Variants in ANKHD1 observed in about 807,000 individuals in gnomAD.
ANKHD1 encodes ankyrin repeat and KH domain containing 1.
In ANKHD1, 31 loss-of-function variants were observed where a neutral mutation model predicts 230.5. The ratio of observed to expected loss-of-function variants is 0.13; its 90% CI spans 0.10 to 0.18. ANKHD1 has a LOEUF of 0.18. ANKHD1 is among the 10% of genes least tolerant of loss of function. The probability of loss-of-function intolerance (pLI) is 1.00; values close to 1 mark genes in which losing one functional copy is unlikely to be tolerated. For synonymous variants in ANKHD1, 1,074 were observed against 1,117.6 expected (o/e 0.96, Z 0.78); for missense variants, 2,256 against 3,071.3 (o/e 0.73, Z 6.27).
intron 1 of ANKHD1, among the ~76,000 whole-genome samples, chr5:140,419,557 T>TC (rs1771706620): frequency 6.6e-6 from 1 of 151,268 alleles, no homozygotes; most frequent in Non-Finnish European, 1.5e-5. Context: ...ACTTCTGGGT[T>TC]CAAGTGATCC....
intron 10 of ANKHD1, among the ~76,000 whole-genome samples, chr5:140,481,208 C>T (rs1214236090): frequency 6.6e-6 from 1 of 152,022 alleles, no homozygotes; most frequent in East Asian, 1.9e-4. Flanking sequence ...GATAGAAAAA[C>T]TGGACAAACA....
At chr5:140,496,415 C>T (rs1026691341) in intron 14 of ANKHD1, 105 bp from the exon 15 acceptor site, 4 of 1,217,078 alleles carry the variant, frequency 3.3e-6, no homozygotes, top group Non-Finnish European at 4.3e-6. Flanking sequence ...GAGGGAGGTC[C>T]GTGTGTGTGG....
At chr5:140,411,593 C>T (rs1266086504) in intron 1 of ANKHD1, among the ~76,000 whole-genome samples, 1 of 148,016 alleles carries the variant, frequency 6.8e-6, no homozygotes, top group African/African-American at 2.5e-5. Context: ...AATCTTGGCT[C>T]ACTGCAACCT....
chr5:140,483,585 C>G (rs1220417039), intron 11 of ANKHD1, among the ~76,000 whole-genome samples: 1 of 151,130 alleles, frequency 6.6e-6, no homozygotes. Flanking sequence ...AGCCTCCCGA[C>G]TAGCTGGGAT....
At chr5:140,430,460 A>T (rs1452533546) in intron 1 of ANKHD1, among the ~76,000 whole-genome samples, 1 of 152,206 alleles carries the variant, frequency 6.6e-6, no homozygotes, top group East Asian at 1.9e-4. Context: ...TATGTAAGAA[A>T]GTATAAGGCT....
At chr5:140,532,670 A>T (rs1358951584) in intron 29 of ANKHD1, among the ~76,000 whole-genome samples, 1 of 152,242 alleles carries the variant, frequency 6.6e-6, no homozygotes, top group East Asian at 1.9e-4. Flanking sequence ...CAATTCTGTG[A>T]ATATACAAAA....
Position 140,527,678 on chromosome 5 carries a change from G to T in ANKHD1, c.5088-195G>T, listed in dbSNP as rs1753664628. 2.0e-5 allele frequency among the ~76,000 whole-genome samples: 3 copies of T among 152,132 alleles called. No individual in the cohort carries two copies. The highest frequency in any genetic ancestry group is 7.2e-5 in the African/African-American group (3 of 41,432). The stretch of plus-strand genomic sequence containing the variant: ...AGGTTCTCTGAAACTGCAGAGCAAT[G>T]TAATTTTTAACTTTACTAAATTCAA... On this transcript the variant is annotated intron_variant, in intron 27 of 33. Transcript: ENST00000360839. The surrounding 1 kb of genome is among the most constrained non-coding windows in gnomAD (Gnocchi z 4.5).
intron 7 of ANKHD1, among the ~76,000 whole-genome samples, chr5:140,455,277 C>T (rs1775083803): frequency 6.6e-6 from 1 of 152,152 alleles, no homozygotes; most frequent in South Asian, 2.1e-4. Context: ...CTGAATTCTA[C>T]CAGAGGTACA....
intron 1 of ANKHD1, among the ~76,000 whole-genome samples, chr5:140,404,131 ACT>A (rs1461905635): frequency 1.3e-5 from 2 of 151,902 alleles, no homozygotes; most frequent in African/African-American, 4.8e-5. Flanking sequence ...ATGGGGAGAG[ACT>A]CTGGAGTATC....
intron 10 of ANKHD1, chr5:140,465,006 C>T (rs1422425080): frequency 3.8e-6 from 1 of 264,842 alleles, no homozygotes; most frequent in Non-Finnish European, 7.0e-6. Flanking sequence ...TTGTTTCTTC[C>T]TTTCACTCCA....
Position 140,527,173 on chromosome 5 carries a change from A to G in ANKHD1, c.5087+99A>G. The G allele has an allele frequency of 7.0e-7, 1 of 1,425,080 alleles. No individual in the cohort carries two copies. Among genetic ancestry groups the G allele is most frequent in the South Asian group, 1.6e-5 (1 of 61,506 alleles). 88.3% of individuals were successfully genotyped at this position (1,425,080 alleles called of 1,614,324 possible). On this transcript the variant is annotated intron_variant, in intron 27 of 33. Coordinates refer to ENST00000360839, the MANE Select transcript of ANKHD1 (RefSeq NM_017747.3). This position sits in a 1 kb window ranked among gnomAD's most constrained non-coding sequence, Gnocchi z 4.5. The stretch of plus-strand genomic sequence containing the variant: ...ATTAATGAATAATTTGAATGTGGTT[A>G]TTATTTTAAACTGCATTGCCACACT...
intron 14 of ANKHD1, among the ~76,000 whole-genome samples, chr5:140,487,425 A>G (rs1307223066): frequency 3.3e-5 from 5 of 152,214 alleles, no homozygotes; most frequent in African/African-American, 1.2e-4. Context: ...CATATTTGCT[A>G]TCTAGTTAAG....
Position 140,539,505 on chromosome 5 carries a change from AATTTTCTCTG to A in ANKHD1, c.*89_*98del. 6.9e-7 allele frequency: 1 copy of A among 1,441,934 alleles called. No individual in the cohort carries two copies. The allele number at this position is 1,441,934 out of a possible 1,614,324, so 89.3% of individuals were successfully genotyped here. ...GGATTTTTTTTTAATGTGCCTAAGA[AATTTTCTCTG>A]AGGCTTTAGCAATGGAAATTTGATT... On this transcript the variant is annotated 3_prime_UTR_variant, in exon 34 of 34. Coordinates refer to ENST00000360839, the MANE Select transcript of ANKHD1 (RefSeq NM_017747.3).
At position 140,446,012 on chromosome 5, in the gene ANKHD1, C is replaced by T. The variant is rs565142749; in HGVS notation, c.1147+37C>T. The T allele has an allele frequency of 2.6e-4, 391 of 1,505,072 alleles. 5 individuals carry two copies. The South Asian group carries it at 4.4e-3, about 17-fold the overall frequency. The allele number at this position is 1,505,072 out of a possible 1,614,324, so 93.2% of individuals were successfully genotyped here. On this transcript the variant is annotated intron_variant, in intron 6 of 33. Transcript: ENST00000360839. The stretch of plus-strand genomic sequence containing the variant: ...ATGTATGAATATTTATAATGTTTTT[C>T]GTAACCACTTTGATTATTTGAGTAT...
chr5:140,527,321 G>A lies in ANKHD1; in HGVS notation c.5087+247G>A. 2.6e-6 allele frequency: 1 copy of A among 378,500 alleles called. No individual in the cohort carries two copies. The highest frequency in any genetic ancestry group is 4.6e-6 in the Non-Finnish European group (1 of 218,356). The allele number at this position is 378,500 out of a possible 1,614,324, so 23.4% of individuals were successfully genotyped here. ...CAGTTGCTTTTTATGTAGTTCAAAT[G>A]TAAAGGCTTTCTCTTGCTTTTTTTC... On this transcript the variant is annotated intron_variant, in intron 27 of 33. Coordinates refer to ENST00000360839, the MANE Select transcript of ANKHD1 (RefSeq NM_017747.3). The surrounding 1 kb of genome is among the most constrained non-coding windows in gnomAD (Gnocchi z 4.5).
intron 7 of ANKHD1, among the ~76,000 whole-genome samples, chr5:140,453,388 A>T (rs188504752): frequency 2.2e-4 from 33 of 152,320 alleles, no homozygotes; most frequent in Non-Finnish European, 4.4e-4. Flanking sequence ...CCTTGAGAAG[A>T]GCAGCTCCAG....
intron 10 of ANKHD1, 23 bp downstream of exon 10, chr5:140,464,799 T>C (rs1192020915): frequency 1.3e-6 from 2 of 1,578,280 alleles, no homozygotes; most frequent in African/African-American, 1.4e-5. Flanking sequence ...TAATTTCAAA[T>C]ATTTTTGCGT....
chr5:140,539,138 GT>G (rs1258402236), intron 33 of ANKHD1, 55 bp downstream of exon 33: 2 of 1,550,540 alleles, frequency 1.3e-6, no homozygotes, highest in Non-Finnish European at 1.7e-6. Context: ...CATTCTTTTT[GT>G]TTTGTGAGAA....
At chr5:140,508,895 A>G (rs979961590) in intron 20 of ANKHD1, among the ~76,000 whole-genome samples, 2 of 152,178 alleles carry the variant, frequency 1.3e-5, no homozygotes, top group South Asian at 2.1e-4. Context: ...TAGAACTGCA[A>G]GGTTCTTAGA....
Sources: gnomAD v4.1 joint callset for allele counts (sites outside exome capture counted in the v4.1 genomes callset) on GRCh38, gnomAD v4.1.1 for gene constraint, Gnocchi (gnomAD v3.1) non-coding constraint, MANE v1.5 for transcripts, NCBI Gene and HGNC (gene_info 2026-07-23, HGNC 2026-07-21) for gene names.